WWOX: variants seen among roughly 807,000 people sequenced by gnomAD.
The protein encoded by WWOX is WW domain-containing oxidoreductase.
In WWOX, 69 loss-of-function variants were observed where a neutral mutation model predicts 46.2. That is an observed-to-expected ratio of 1.49 (90% confidence interval 1.23 to 1.82). WWOX has a LOEUF of 1.82. Among genes scored for constraint, WWOX ranks in the 40% most tolerant of loss-of-function variants. The pLI is 0.00. For synonymous variants in WWOX, 359 were observed against 202.6 expected (o/e 1.77, Z -6.56); for missense variants, 919 against 542.6 (o/e 1.69, Z -6.89).
In WWOX at chr16:78,275,945, C is replaced by T. The variant is rs182138158; in HGVS notation, c.517-110915C>T. 3.6e-3 allele frequency among the ~76,000 whole-genome samples: 553 copies of T among 152,262 alleles called. 4 individuals carry two copies. Among genetic ancestry groups the T allele is most frequent in the African/African-American group, 0.012 (506 of 41,530 alleles). On this transcript the variant is annotated intron_variant, in intron 5 of 8. Coordinates refer to ENST00000566780, the MANE Select transcript of WWOX (RefSeq NM_016373.4). ...GGCTGGACTTCTGGGCTCTGCTCTG[C>T]CTCTAATCTGCTGCCCAGCATCAGC...
At chr16:79,157,591 C>G (rs1251969684) in intron 8 of WWOX, among the ~76,000 whole-genome samples, 1 of 152,176 alleles carries the variant, frequency 6.6e-6, no homozygotes. Flanking sequence ...ATGAAACTGG[C>G]TATCTGGAGA....
chr16:78,376,567 T>A (rs2081831738), intron 5 of WWOX, among the ~76,000 whole-genome samples: 1 of 152,196 alleles, frequency 6.6e-6, no homozygotes, highest in African/African-American at 2.4e-5. Context: ...TGAACCGAAG[T>A]GCCTATGACA....
At chr16:78,370,628 T>C (rs1202475858) in intron 5 of WWOX, among the ~76,000 whole-genome samples, 1 of 152,172 alleles carries the variant, frequency 6.6e-6, no homozygotes, top group Non-Finnish European at 1.5e-5. Context: ...TTATTGTGTC[T>C]ATCTTTTGTC....
At chr16:78,465,876 C>G (rs2084064211) in intron 8 of WWOX, among the ~76,000 whole-genome samples, 1 of 152,130 alleles carries the variant, frequency 6.6e-6, no homozygotes, top group Admixed American at 6.6e-5. Flanking sequence ...AAGAGACTAA[C>G]ACATTAAACA....
chr16:78,354,898 C>T (rs2081253095), intron 5 of WWOX, among the ~76,000 whole-genome samples: 1 of 152,010 alleles, frequency 6.6e-6, no homozygotes, highest in Admixed American at 6.6e-5. Context: ...CTTTTGGAGG[C>T]CAAGGTGAGG....
intron 8 of WWOX, among the ~76,000 whole-genome samples, chr16:79,210,822 A>G (rs1274472265): frequency 6.6e-6 from 1 of 152,110 alleles, no homozygotes; most frequent in South Asian, 2.1e-4. Flanking sequence ...GTCCCTAGCC[A>G]CAGCCGCAAC....
intron 8 of WWOX, among the ~76,000 whole-genome samples, chr16:79,052,849 T>C (rs910239845): frequency 3.9e-5 from 6 of 152,106 alleles, no homozygotes; most frequent in African/African-American, 1.4e-4. Flanking sequence ...CTAACAATCA[T>C]ATTGCTTAAG....
At chr16:78,129,981 C>G (rs1010980030) in intron 4 of WWOX, 1 of 152,046 alleles carries the variant, frequency 6.6e-6, no homozygotes, top group South Asian at 2.1e-4. Context: ...TCATGCTGTT[C>G]TCACGATAAT....
At chr16:78,213,883 C>A (rs754703880) in intron 5 of WWOX, among the ~76,000 whole-genome samples, 60 of 152,242 alleles carry the variant, frequency 3.9e-4, no homozygotes, top group Non-Finnish European at 6.8e-4. Flanking sequence ...TTCTGGGGCC[C>A]CCAGGGCGGT....
intron 5 of WWOX, among the ~76,000 whole-genome samples, chr16:78,213,086 C>G (rs1002057975): frequency 6.6e-6 from 1 of 151,762 alleles, no homozygotes; most frequent in Non-Finnish European, 1.5e-5. Context: ...AACTCCATGT[C>G]TACTAATAAC....
chr16:78,394,262 A>G (rs1030615213), intron 6 of WWOX, among the ~76,000 whole-genome samples: 31 of 152,342 alleles, frequency 2.0e-4, no homozygotes, highest in African/African-American at 7.2e-4. Flanking sequence ...TTCTCTACAC[A>G]GTATGAAAAC....
At chr16:78,970,865 T>A (rs1253905133) in intron 8 of WWOX, among the ~76,000 whole-genome samples, 1 of 152,102 alleles carries the variant, frequency 6.6e-6, no homozygotes, top group Non-Finnish European at 1.5e-5. Flanking sequence ...CACGGCTGGA[T>A]CCAGGGGCTC....
intron 8 of WWOX, among the ~76,000 whole-genome samples, chr16:78,634,399 A>G (rs1039202602): frequency 6.6e-6 from 1 of 152,018 alleles, no homozygotes; most frequent in Non-Finnish European, 1.5e-5. Flanking sequence ...TGGGAGAGCA[A>G]GTGGAGCTGT....
chr16:78,810,164 C>T (rs537745673), intron 8 of WWOX, among the ~76,000 whole-genome samples: 11 of 152,286 alleles, frequency 7.2e-5, no homozygotes, highest in South Asian at 6.2e-4. Flanking sequence ...TAATATTCTT[C>T]TTCAGAGTGA....
At chr16:78,554,124 T>C (rs74029552) in intron 8 of WWOX, among the ~76,000 whole-genome samples, 5 of 152,136 alleles carry the variant, frequency 3.3e-5, no homozygotes, top group East Asian at 1.9e-4. Flanking sequence ...TTCCCTCTTA[T>C]CAGCTTCTTG....
At chr16:79,209,171 G>A (rs74036768) in intron 8 of WWOX, among the ~76,000 whole-genome samples, 4 of 152,160 alleles carry the variant, frequency 2.6e-5, no homozygotes, top group Admixed American at 6.5e-5. Context: ...ATGGCTCTCA[G>A]CATTGTAGCC....
chr16:78,945,815 T>G (rs905419610), intron 8 of WWOX, among the ~76,000 whole-genome samples: 2 of 152,216 alleles, frequency 1.3e-5, no homozygotes, highest in African/African-American at 4.8e-5. Flanking sequence ...CTGTCTTTAG[T>G]TCGTATGGGT....
intron 8 of WWOX, among the ~76,000 whole-genome samples, chr16:78,686,935 C>G (rs1233946844): frequency 3.3e-5 from 5 of 152,202 alleles, no homozygotes; most frequent in Non-Finnish European, 7.3e-5. Flanking sequence ...TTTCCATATC[C>G]AAGCAGCTAA....
intron 8 of WWOX, among the ~76,000 whole-genome samples, chr16:78,739,664 A>T (rs2049169463): frequency 6.6e-6 from 1 of 152,092 alleles, no homozygotes; most frequent in Non-Finnish European, 1.5e-5. Context: ...CACAAAAATT[A>T]GCTTGGCTTC....
Sources: gnomAD v4.1 joint callset for allele counts (sites outside exome capture counted in the v4.1 genomes callset) on GRCh38, gnomAD v4.1.1 for gene constraint, MANE v1.5 for transcripts, NCBI Gene and HGNC (gene_info 2026-07-23, HGNC 2026-07-21) for gene names.